Variants in MEI4 observed in about 807,000 individuals in gnomAD.
The protein encoded by MEI4 is meiosis-specific protein MEI4.
Under a neutral mutation model 31.4 loss-of-function variants are expected in MEI4, and 27 were observed. That is an observed-to-expected ratio of 0.86 (90% CI 0.63 to 1.19). The LOEUF (loss-of-function observed/expected upper bound fraction) is 1.19, where lower values mean the gene tolerates loss of function less well. MEI4 is among the 50% of genes most tolerant of loss of function. The pLI, the probability that MEI4 is intolerant of heterozygous loss-of-function variation, is 0.00. For missense variants in MEI4, 329 were observed against 398.9 expected, an observed-to-expected ratio of 0.82 and a Z score of 1.49; for synonymous variants, 122 against 145.4, an observed-to-expected ratio of 0.84 and a Z score of 1.16.
intron 3 of MEI4, among the ~76,000 whole-genome samples, chr6:77,792,331 A>T (rs2127696523): frequency 6.6e-6 from 1 of 152,262 alleles, no homozygotes; most frequent in East Asian, 1.9e-4. Flanking sequence ...GGATGTCTGG[A>T]TCGTATGACA....
chr6:77,918,733 C>T (rs1766627520), intron 4 of MEI4, among the ~76,000 whole-genome samples: 1 of 151,710 alleles, frequency 6.6e-6, no homozygotes, highest in Non-Finnish European at 1.5e-5. Context: ...ATTTGACTTC[C>T]TCTTTTCCTA....
chr6:77,792,446 C>T (rs1486196005), intron 3 of MEI4, among the ~76,000 whole-genome samples: 1 of 152,084 alleles, frequency 6.6e-6, no homozygotes, highest in Non-Finnish European at 1.5e-5. Flanking sequence ...GTTTCATTTT[C>T]TGCAAATTCT....
At chr6:77,791,304 G>A (rs1295501835) in intron 3 of MEI4, among the ~76,000 whole-genome samples, 1 of 151,960 alleles carries the variant, frequency 6.6e-6, no homozygotes, top group East Asian at 1.9e-4. Flanking sequence ...ATGATAGACT[G>A]GATTAAGAAA....
At chr6:77,668,972 A>T (rs1187751289) in intron 1 of MEI4, among the ~76,000 whole-genome samples, 1 of 152,148 alleles carries the variant, frequency 6.6e-6, no homozygotes, top group African/African-American at 2.4e-5. Context: ...CAGAGTGACA[A>T]AAGAATGATG....
intron 2 of MEI4, among the ~76,000 whole-genome samples, chr6:77,696,583 A>C (rs1414344562): frequency 6.6e-6 from 1 of 151,276 alleles, no homozygotes; most frequent in Non-Finnish European, 1.5e-5. Flanking sequence ...ATTTGCGTAT[A>C]TTGAACCAGC....
intron 3 of MEI4, among the ~76,000 whole-genome samples, chr6:77,770,879 T>G (rs545874757): frequency 6.6e-6 from 1 of 151,956 alleles, no homozygotes; most frequent in Non-Finnish European, 1.5e-5. Flanking sequence ...CAGTACCTGG[T>G]GAAAATTTCA....
At chr6:77,809,236 T>C (rs1253127859) in intron 3 of MEI4, among the ~76,000 whole-genome samples, 1 of 152,166 alleles carries the variant, frequency 6.6e-6, no homozygotes, top group Non-Finnish European at 1.5e-5. Flanking sequence ...TTGTAATAAA[T>C]GTAGTGAAAT....
At chr6:77,903,593 G>A (rs1766230152) in intron 4 of MEI4, among the ~76,000 whole-genome samples, 1 of 152,054 alleles carries the variant, frequency 6.6e-6, no homozygotes, top group South Asian at 2.1e-4. Context: ...TGGAAAGAGT[G>A]GGTATCCTTG....
intron 3 of MEI4, among the ~76,000 whole-genome samples, chr6:77,824,839 A>G (rs1419346201): frequency 1.3e-5 from 2 of 152,174 alleles, no homozygotes; most frequent in African/African-American, 4.8e-5. Flanking sequence ...TCCAATAGAC[A>G]TAATTAGTTG....
At position 77,735,920 on chromosome 6, in the gene MEI4, G is replaced by C. The variant is rs576546098; in HGVS notation, c.233-25210G>C. ...GTGAGGTGTCAGTCTGCCCCTGCTGGGGGATGCCTCCCAGTTAGGCTGCTC... is the reference window on the plus strand; with the variant it reads ...GTGAGGTGTCAGTCTGCCCCTGCTGCGGGATGCCTCCCAGTTAGGCTGCTC... On this transcript the variant is annotated intron_variant, in intron 2 of 4. Transcript: ENST00000684080. Among the ~76,000 whole-genome samples the C allele has an allele frequency of 7.9e-5, 12 of 151,524 alleles. No individual in the cohort carries two copies. In the South Asian group the frequency reaches 2.5e-3, roughly 32 times the overall value.
At chr6:77,868,049 C>T (rs1253090533) in intron 4 of MEI4, among the ~76,000 whole-genome samples, 1 of 150,030 alleles carries the variant, frequency 6.7e-6, no homozygotes, top group Non-Finnish European at 1.5e-5. Flanking sequence ...AGGGGAACAT[C>T]ACACTCTGGG....
chr6:77,650,559 G>A (rs1001562883), upstream of MEI4, among the ~76,000 whole-genome samples: 1 of 152,166 alleles, frequency 6.6e-6, no homozygotes, highest in Admixed American at 6.5e-5. Context: ...GCCCTCCCCC[G>A]CTACAGGAAC....
At chr6:77,758,652 G>C (rs1358201960) in intron 2 of MEI4, among the ~76,000 whole-genome samples, 1 of 152,066 alleles carries the variant, frequency 6.6e-6, no homozygotes, top group Non-Finnish European at 1.5e-5. Context: ...CTTCGGCTTA[G>C]AGAAAAGTGT....
intron 4 of MEI4, among the ~76,000 whole-genome samples, chr6:77,864,197 G>A (rs913347747): frequency 9.2e-5 from 14 of 151,690 alleles, no homozygotes; most frequent in Non-Finnish European, 1.5e-4. Context: ...ACCAGCTAAC[G>A]TCATAATGGC....
chr6:77,774,174 G>A (rs1339117846), intron 3 of MEI4, among the ~76,000 whole-genome samples: 1 of 152,094 alleles, frequency 6.6e-6, no homozygotes, highest in East Asian at 1.9e-4. Flanking sequence ...ATACCCAGAA[G>A]AAAGGAAATC....
intron 4 of MEI4, among the ~76,000 whole-genome samples, chr6:77,909,352 G>A (rs1182298980): frequency 1.2e-4 from 18 of 151,950 alleles, no homozygotes; most frequent in African/African-American, 3.4e-4. Context: ...TCAAACAAAC[G>A]CAATAAAAAA....
intron 4 of MEI4, among the ~76,000 whole-genome samples, chr6:77,835,414 A>G (rs1770193948): frequency 6.6e-6 from 1 of 150,862 alleles, no homozygotes; most frequent in Non-Finnish European, 1.5e-5. Context: ...AAATAAAAAA[A>G]AAAAAAGAAG....
intron 4 of MEI4, among the ~76,000 whole-genome samples, chr6:77,852,561 T>G (rs1464998987): frequency 7.0e-6 from 1 of 142,446 alleles, no homozygotes; most frequent in Non-Finnish European, 1.5e-5. Context: ...TTACTTTTTT[T>G]GTTTTTGTTT....
At chr6:77,740,131 G>A (rs543021120) in intron 2 of MEI4, among the ~76,000 whole-genome samples, 5 of 152,046 alleles carry the variant, frequency 3.3e-5, no homozygotes, top group Non-Finnish European at 7.4e-5. Context: ...TCTTATTCTT[G>A]AATTCTATTT....
Sources: gnomAD v4.1 joint callset for allele counts (sites outside exome capture counted in the v4.1 genomes callset) on GRCh38, gnomAD v4.1.1 for gene constraint, MANE v1.5 for transcripts, NCBI Gene and HGNC (gene_info 2026-07-23, HGNC 2026-07-21) for gene names.